The following CPXM2 variants were observed in gnomAD, a reference collection of about 807,000 sequenced individuals.
The protein encoded by CPXM2 is inactive carboxypeptidase-like protein X2.
Under a neutral mutation model 86.1 loss-of-function variants are expected in CPXM2, and 66 were observed. That is an observed-to-expected ratio of 0.77 (90% CI 0.63 to 0.94). The LOEUF is 0.94. Among genes scored for constraint, CPXM2 ranks in the 40% least tolerant of loss-of-function variants. The probability of loss-of-function intolerance (pLI) is 0.00; values close to 1 mark genes in which losing one functional copy is unlikely to be tolerated. For synonymous variants in CPXM2, 388 were observed against 400.2 expected (o/e 0.97, Z 0.36); for missense variants, 948 against 1,026.3 (o/e 0.92, Z 1.04).
rs200681887 is a variant in CPXM2, at chr10:123,842,336, C to G, written c.653+13G>C. 1 of 1,614,128 alleles carries G rather than the reference C, an allele frequency of 6.2e-7. No individual in the cohort carries two copies. The highest frequency in any genetic ancestry group is 8.5e-7 in the Non-Finnish European group (1 of 1,180,018). On this transcript the variant is annotated intron_variant, in intron 4 of 13. Coordinates refer to ENST00000241305, the MANE Select transcript of CPXM2 (RefSeq NM_198148.3). ...AAACAGGGTCCAGAAAGCATATGTC[C>G]AGGTACACTCACAGCCAGAGGGAGT...
chr10:123,853,295 T>A (rs111680714), intron 3 of CPXM2, among the ~76,000 whole-genome samples: 4,324 of 152,336 alleles, frequency 0.028, 79 homozygotes, highest in African/African-American at 0.052. Flanking sequence ...CTTTTCTTAA[T>A]GAATTATCCA....
intron 2 of CPXM2, among the ~76,000 whole-genome samples, chr10:123,905,681 C>A (rs1945432949): frequency 6.6e-6 from 1 of 152,170 alleles, no homozygotes; most frequent in South Asian, 2.1e-4. Flanking sequence ...CACGCAGCTT[C>A]TCCCTATTCA....
At chr10:123,932,791 T>A (rs1158912081) in intron 2 of CPXM2, among the ~76,000 whole-genome samples, 1 of 152,062 alleles carries the variant, frequency 6.6e-6, no homozygotes. Flanking sequence ...TTTCTCGGCG[T>A]GGCAGATAGC....
intron 11 of CPXM2, among the ~76,000 whole-genome samples, chr10:123,760,269 G>A (rs746324466): frequency 1.4e-4 from 22 of 152,222 alleles, no homozygotes; most frequent in Middle Eastern, 6.8e-3. Context: ...AAATAAACAG[G>A]TATTTTACTT....
intron 4 of CPXM2, among the ~76,000 whole-genome samples, chr10:123,829,885 G>T (rs1379785208): frequency 2.0e-5 from 3 of 151,740 alleles, no homozygotes; most frequent in Non-Finnish European, 2.9e-5. Flanking sequence ...TATCCTGGGG[G>T]TGGCATTTCG....
chr10:123,784,280 G>A (rs1340048149), intron 6 of CPXM2, among the ~76,000 whole-genome samples: 1 of 152,174 alleles, frequency 6.6e-6, no homozygotes, highest in East Asian at 1.9e-4. Flanking sequence ...TGGCAGCTCT[G>A]AGAGAGACCT....
chr10:123,877,646 C>A (rs965452666), intron 2 of CPXM2, among the ~76,000 whole-genome samples: 2 of 152,180 alleles, frequency 1.3e-5, no homozygotes, highest in African/African-American at 4.8e-5. Flanking sequence ...CAGCCCAAAG[C>A]CAAGGGACTT....
chr10:123,873,856 CTTTT>C (rs56223052), intron 2 of CPXM2, among the ~76,000 whole-genome samples: 17 of 105,284 alleles, frequency 1.6e-4, no homozygotes, highest in South Asian at 6.3e-4. Context: ...TCTCACATTT[CTTTT>C]TTTTTTTTTT....
intron 13 of CPXM2, chr10:123,750,766 G>T (rs1217042289): frequency 7.1e-6 from 7 of 985,448 alleles, no homozygotes; most frequent in Admixed American, 1.2e-4. Context: ...AGAATGAGGG[G>T]TGTTGGCCAT....
At chr10:123,801,800 A>G (rs1047411269) in intron 4 of CPXM2, among the ~76,000 whole-genome samples, 4 of 152,146 alleles carry the variant, frequency 2.6e-5, no homozygotes, top group Non-Finnish European at 5.9e-5. Flanking sequence ...CTCTTGCCCC[A>G]GGGCCTTTGC....
At chr10:123,933,961 T>C (rs1182488697) in intron 2 of CPXM2, among the ~76,000 whole-genome samples, 5 of 152,094 alleles carry the variant, frequency 3.3e-5, no homozygotes, top group Admixed American at 6.5e-5. Flanking sequence ...TTGGGTTGTG[T>C]CTGCTCAGAA....
chr10:123,902,540 T>G (rs1945393704), intron 2 of CPXM2, among the ~76,000 whole-genome samples: 1 of 152,206 alleles, frequency 6.6e-6, no homozygotes, highest in African/African-American at 2.4e-5. Context: ...TTCCGGAGGC[T>G]GGAAGTCCCA....
Position 123,770,913 on chromosome 10 carries a change from C to T in CPXM2, c.1102+3G>A, listed in dbSNP as rs769397465. ...CCAAGCATCCCAGAGGGGCCCTTCT[C>T]ACCGACTTCATGCTCCCCAGGGTGA... On this transcript the variant is annotated splice_donor_region_variant and intron_variant, in intron 8 of 13. Transcript: ENST00000241305. The T allele has an allele frequency of 6.2e-7, 1 of 1,611,132 alleles. No homozygotes were observed. Among genetic ancestry groups the T allele is most frequent in the Non-Finnish European group, 8.5e-7 (1 of 1,179,234 alleles).
At chr10:123,817,481 G>T (rs1326604121) in intron 4 of CPXM2, among the ~76,000 whole-genome samples, 4 of 152,172 alleles carry the variant, frequency 2.6e-5, no homozygotes, top group African/African-American at 9.7e-5. Context: ...CTGAACATTT[G>T]TCTATGGGTC....
intron 7 of CPXM2, among the ~76,000 whole-genome samples, chr10:123,775,973 AT>A (rs988214685): frequency 2.0e-5 from 3 of 151,652 alleles, no homozygotes; most frequent in Non-Finnish European, 4.4e-5. Flanking sequence ...GGGGTCAAAG[AT>A]TTTTTTTTGG....
chr10:123,769,495 T>C lies in CPXM2; in HGVS notation c.1103-773A>G, dbSNP rs954034507. ...TTCTCAGGAGGCTGAGGTGGGAGGATTGCTTGAGCCCAAAAGGTGGAGGTT... is the reference window on the plus strand; with the variant it reads ...TTCTCAGGAGGCTGAGGTGGGAGGACTGCTTGAGCCCAAAAGGTGGAGGTT... On this transcript the variant is annotated intron_variant, in intron 8 of 13. Coordinates refer to ENST00000241305, the MANE Select transcript of CPXM2 (RefSeq NM_198148.3). 3 of 152,326 alleles carry C rather than the reference T, an allele frequency of 2.0e-5. No individual in the cohort carries two copies. In the East Asian group the frequency reaches 5.8e-4, roughly 29 times the overall value. 9.4% of individuals were successfully genotyped at this position (152,326 alleles called of 1,614,324 possible).
At chr10:123,752,732 C>T (rs1302599456) in intron 13 of CPXM2, 1 of 428,690 alleles carries the variant, frequency 2.3e-6, no homozygotes, top group Non-Finnish European at 3.1e-6. Flanking sequence ...CAGTGCTTGG[C>T]TCAAATCATA....
chr10:123,836,672 G>A (rs138236566), intron 4 of CPXM2, among the ~76,000 whole-genome samples: 273 of 152,260 alleles, frequency 1.8e-3, no homozygotes, highest in African/African-American at 6.1e-3. Context: ...CACATCCCCT[G>A]TCTGCAGAGG....
At chr10:123,822,201 T>G (rs932560158) in intron 4 of CPXM2, among the ~76,000 whole-genome samples, 2 of 152,250 alleles carry the variant, frequency 1.3e-5, no homozygotes, top group African/African-American at 4.8e-5. Flanking sequence ...ACACAATTTA[T>G]CCTCAAGTGT....
Sources: gnomAD v4.1 joint callset for allele counts (sites outside exome capture counted in the v4.1 genomes callset) on GRCh38, gnomAD v4.1.1 for gene constraint, MANE v1.5 for transcripts, NCBI Gene and HGNC (gene_info 2026-07-23, HGNC 2026-07-21) for gene names.